Variants in SLC25A36 observed in about 807,000 individuals in gnomAD.
The protein encoded by SLC25A36 is epididymis secretory sperm binding protein.
A neutral mutation model predicts 35.3 loss-of-function variants in SLC25A36; 24 were observed. That is an observed-to-expected ratio of 0.68 (90% confidence interval 0.49 to 0.96). SLC25A36 has a LOEUF of 0.96. Among genes scored for constraint, SLC25A36 ranks in the 40% least tolerant of loss-of-function variants. The probability of loss-of-function intolerance (pLI) is 0.00; values close to 1 mark genes in which losing one functional copy is unlikely to be tolerated. For missense variants in SLC25A36, 294 were observed against 381.1 expected (o/e 0.77, Z 1.90); for synonymous variants, 141 against 132.2 (o/e 1.07, Z -0.46).
At chr3:140,968,754 TAGAAGTA>T in intron 4 of SLC25A36, 1 of 956,798 alleles carries the variant, frequency 1.0e-6, no homozygotes, top group Non-Finnish European at 1.2e-6. Context: ...TTTATGTTTT[TAGAAGTA>T]GAACTTTTAT....
At chr3:140,968,708 G>A in intron 4 of SLC25A36, 1 of 983,464 alleles carries the variant, frequency 1.0e-6, no homozygotes, top group South Asian at 4.7e-5. Context: ...TGACTTGGAA[G>A]AGTATTATGG....
intron 2 of SLC25A36, among the ~76,000 whole-genome samples, chr3:140,957,959 G>A (rs988373971): frequency 9.2e-5 from 14 of 152,020 alleles, no homozygotes; most frequent in Admixed American, 6.5e-5. Context: ...TTTTAGTTCC[G>A]AAGTTTTTCA....
chr3:140,970,108 C>A (rs982772742), intron 4 of SLC25A36, among the ~76,000 whole-genome samples: 2 of 151,890 alleles, frequency 1.3e-5, no homozygotes, highest in African/African-American at 4.8e-5. Context: ...ATCCTAGAAA[C>A]ATACTGTTCC....
At chr3:140,950,823 A>G (rs377448665) in intron 1 of SLC25A36, among the ~76,000 whole-genome samples, 6 of 152,078 alleles carry the variant, frequency 3.9e-5, no homozygotes, top group Admixed American at 3.9e-4. Context: ...AAGTTCAGAA[A>G]TGTTGAGTTT....
At chr3:140,969,930 T>A (rs1256259948) in intron 4 of SLC25A36, among the ~76,000 whole-genome samples, 1 of 151,860 alleles carries the variant, frequency 6.6e-6, no homozygotes, top group Non-Finnish European at 1.5e-5. Flanking sequence ...TGCATATAAT[T>A]TTTTATTGAG....
Position 140,956,650 on chromosome 3 carries a change from T to C in SLC25A36, c.165T>C (p.Ser55=). 1 of 1,614,038 alleles carries C rather than the reference T, an allele frequency of 6.2e-7. No homozygotes were observed. The highest frequency in any genetic ancestry group is 8.5e-7 in the Non-Finnish European group (1 of 1,179,966). Residue 55 remains serine, a synonymous_variant, in exon 2 of 7, where the codon AGT becomes AGC. Transcript: ENST00000324194. The part of the protein sequence containing the change: ...EVQLNTMAGA[S]VNRVVSPGPL... ...AGCTGAACACCATGGCTGGAGCCAG[T>C]GTCAACCGAGTAGTGTCTCCCGGAC...
intron 1 of SLC25A36, among the ~76,000 whole-genome samples, chr3:140,956,096 G>A (rs1934472530): frequency 6.6e-6 from 1 of 152,180 alleles, no homozygotes; most frequent in African/African-American, 2.4e-5. Flanking sequence ...TTATTGTTCA[G>A]AAGACCATTT....
At chr3:140,951,193 G>A (rs1367691769) in intron 1 of SLC25A36, among the ~76,000 whole-genome samples, 2 of 151,968 alleles carry the variant, frequency 1.3e-5, no homozygotes, top group African/African-American at 4.8e-5. Flanking sequence ...ATTTCTCTGG[G>A]CCTCTCTGTT....
chr3:140,945,114 T>A (rs548475097), intron 1 of SLC25A36, among the ~76,000 whole-genome samples: 2 of 152,304 alleles, frequency 1.3e-5, no homozygotes, highest in Admixed American at 1.3e-4. Flanking sequence ...ATTAAAGCAG[T>A]AACAGGTTTT....
intron 1 of SLC25A36, among the ~76,000 whole-genome samples, chr3:140,955,970 G>T (rs1934469169): frequency 6.6e-6 from 1 of 152,172 alleles, no homozygotes; most frequent in South Asian, 2.1e-4. Flanking sequence ...GATTACATGT[G>T]TGAGCCATGC....
intron 1 of SLC25A36, among the ~76,000 whole-genome samples, chr3:140,954,984 T>G (rs1934439020): frequency 6.6e-6 from 1 of 152,148 alleles, no homozygotes; most frequent in African/African-American, 2.4e-5. Context: ...CATTTTAAAC[T>G]TAGGTCTGTG....
chr3:140,969,084 C>T (rs1934836950), intron 4 of SLC25A36, among the ~76,000 whole-genome samples: 1 of 151,742 alleles, frequency 6.6e-6, no homozygotes, highest in Non-Finnish European at 1.5e-5. Flanking sequence ...AAACAAGAAT[C>T]ATTAAATTGG....
At chr3:140,956,392 C>T in intron 1 of SLC25A36, 135 bp from the exon 2 acceptor site, 4 of 1,101,384 alleles carry the variant, frequency 3.6e-6, no homozygotes, top group Non-Finnish European at 3.6e-6. Flanking sequence ...TCAGTTTAGT[C>T]ATCTAACATT....
At chr3:140,955,171 A>G (rs2107791575) in intron 1 of SLC25A36, among the ~76,000 whole-genome samples, 1 of 152,130 alleles carries the variant, frequency 6.6e-6, no homozygotes, top group Middle Eastern at 3.4e-3. Flanking sequence ...AATATGACAT[A>G]TTTTTATCTT....
At chr3:140,943,117 A>G (rs1934063832) in intron 1 of SLC25A36, among the ~76,000 whole-genome samples, 1 of 152,230 alleles carries the variant, frequency 6.6e-6, no homozygotes, top group Non-Finnish European at 1.5e-5. Flanking sequence ...GGAGAATCAT[A>G]GCAATTTTAA....
At chr3:140,944,297 T>A (rs1934105925) in intron 1 of SLC25A36, among the ~76,000 whole-genome samples, 2 of 152,228 alleles carry the variant, frequency 1.3e-5, no homozygotes, top group African/African-American at 4.8e-5. Context: ...GCCTAGTAGC[T>A]GTATTGTTAA....
chr3:140,972,156 C>T (rs1934920580), intron 5 of SLC25A36, among the ~76,000 whole-genome samples: 1 of 152,156 alleles, frequency 6.6e-6, no homozygotes. Flanking sequence ...TGCTAGTCCA[C>T]ATTATTCTAT....
At chr3:140,968,381 T>G in intron 4 of SLC25A36, 1 of 906,636 alleles carries the variant, frequency 1.1e-6, no homozygotes. Flanking sequence ...ATTGGGAGAG[T>G]TGAGCCAGAG....
At chr3:140,972,269 T>C (rs777105196) in intron 5 of SLC25A36, among the ~76,000 whole-genome samples, 1 of 152,180 alleles carries the variant, frequency 6.6e-6, no homozygotes, top group African/African-American at 2.4e-5. Flanking sequence ...TTTCCACTTA[T>C]AATTGTAACA....
Sources: gnomAD v4.1 joint callset for allele counts (sites outside exome capture counted in the v4.1 genomes callset) on GRCh38, gnomAD v4.1.1 for gene constraint, MANE v1.5 for transcripts, NCBI Gene and HGNC (gene_info 2026-07-23, HGNC 2026-07-21) for gene names.